ARID3A: variants seen among roughly 807,000 people sequenced by gnomAD.
The protein encoded by ARID3A is AT-rich interaction domain 3A, also known as AT-rich interactive domain-containing protein 3A.
In ARID3A, 11 loss-of-function variants were observed where a neutral mutation model predicts 52.7. The ratio of observed to expected loss-of-function variants is 0.21; its 90% confidence interval spans 0.13 to 0.35. The LOEUF (loss-of-function observed/expected upper bound fraction) is 0.35. ARID3A is among the 10% of genes least tolerant of loss of function. The pLI, the probability that ARID3A is intolerant of heterozygous loss-of-function variation, is 1.00. For synonymous variants in ARID3A, 404 were observed against 359.4 expected, an observed-to-expected ratio of 1.12 and a Z score of -1.40; for missense variants, 721 against 838.5, an observed-to-expected ratio of 0.86 and a Z score of 1.73.
Position 975,763 on chromosome 19 carries a change from C to CA in ARID3A, c.*3712dup, listed in dbSNP as rs151219876. ...AAAAAAAAAAAAAAGACAAAAAGAC[C>CA]AAAAAAAAAAAAAAGTGTGATTTTG... On this transcript the variant is annotated 3_prime_UTR_variant, in exon 9 of 9. Coordinates refer to ENST00000263620, the MANE Select transcript of ARID3A (RefSeq NM_005224.3). The CA allele has an allele frequency of 1.5e-3, 237 of 154,514 alleles. No homozygotes were observed. The highest frequency in any genetic ancestry group is 0.01 in the East Asian group (94 of 9,138). 9.6% of individuals were successfully genotyped at this position (154,514 alleles called of 1,614,324 possible).
At chr19:939,035 A>G (rs2037491683) in intron 3 of ARID3A, among the ~76,000 whole-genome samples, 1 of 148,784 alleles carries the variant, frequency 6.7e-6, no homozygotes, top group African/African-American at 2.5e-5. Context: ...GGTTCAAGTC[A>G]TTCTCCTGCC....
At chr19:934,067 A>T (rs1347682352) in intron 3 of ARID3A, among the ~76,000 whole-genome samples, 2 of 152,104 alleles carry the variant, frequency 1.3e-5, no homozygotes, top group Non-Finnish European at 2.9e-5. Flanking sequence ...CATTAATTTA[A>T]TTCACCAATT....
intron 1 of ARID3A, chr19:928,190 AGGGTGGAGCTTTGCCCCCTCCGCTGTCC>A: frequency 6.6e-6 from 1 of 152,344 alleles, no homozygotes; most frequent in Non-Finnish European, 1.5e-5. Context: ...GCCTCTCGGG[AGGGTGGAGCTTTGCCCCCTCCGCTGTCC>A]CCATGATGTG....
At chr19:943,585 A>G (rs1012424593) in intron 3 of ARID3A, among the ~76,000 whole-genome samples, 3 of 151,974 alleles carry the variant, frequency 2.0e-5, no homozygotes, top group African/African-American at 4.8e-5. Context: ...AAAAGAAAAG[A>G]AAAAAGAGAA....
rs372518865 is a variant in ARID3A at position 968,364 on chromosome 19, A to G, written c.1496-41A>G. 2,059 of 1,576,404 alleles carry G rather than the reference A, an allele frequency of 1.3e-3. 5 individuals are homozygous for G. Among genetic ancestry groups the G allele is most frequent in the Non-Finnish European group, 1.6e-3 (1,898 of 1,157,460 alleles). ...ACAGAGCAAGACTCTGTCTCAAAAA[A>G]AAAAAGAAAAAAAGAAACTAATTTG... On this transcript the variant is annotated intron_variant, in intron 7 of 8. Transcript: ENST00000263620.
intron 3 of ARID3A, among the ~76,000 whole-genome samples, chr19:952,128 G>A (rs564322195): frequency 3.3e-5 from 5 of 151,458 alleles, no homozygotes; most frequent in South Asian, 2.1e-4. Context: ...GCGACAGAGC[G>A]AGACTCGGTC....
chr19:958,681 C>A lies in ARID3A; in HGVS notation c.694-1411C>A, dbSNP rs1375572434. Among the ~76,000 whole-genome samples the A allele has an allele frequency of 8.5e-5, 13 of 152,154 alleles. No homozygotes were observed. The East Asian group carries it at 1.9e-3, about 23-fold the overall frequency. ...GGCCGAGGCGGGCGGATCACGAGGTCAGGAGATCGAGACCATCCTGGCTAA... is the reference window on the plus strand; with the variant it reads ...GGCCGAGGCGGGCGGATCACGAGGTAAGGAGATCGAGACCATCCTGGCTAA... On this transcript the variant is annotated intron_variant, in intron 3 of 8. Transcript: ENST00000263620.
chr19:960,310 G>C lies in ARID3A; in HGVS notation c.766+146G>C, dbSNP rs2038013226. ...GGCTCCTAAATCGGGAGGGACTTCA[G>C]GGGTGTCTTGGGGGGAAACACATCC... On this transcript the variant is annotated intron_variant, in intron 4 of 8. Coordinates refer to ENST00000263620, the MANE Select transcript of ARID3A (RefSeq NM_005224.3). This position sits in a 1 kb window ranked among gnomAD's most constrained non-coding sequence, Gnocchi z 4.3. 1 of 646,358 alleles carries C rather than the reference G, an allele frequency of 1.5e-6. No homozygotes were observed. The highest frequency in any genetic ancestry group is 1.9e-5 in the African/African-American group (1 of 53,484). The allele number at this position is 646,358 out of a possible 1,614,324, so 40.0% of individuals were successfully genotyped here. A position where few individuals can be genotyped will look rare whatever the true frequency, so the allele number is the denominator to read the frequency against.
intron 1 of ARID3A, among the ~76,000 whole-genome samples, chr19:927,457 C>T (rs944842749): frequency 6.6e-6 from 1 of 151,974 alleles, no homozygotes; most frequent in African/African-American, 2.4e-5. Flanking sequence ...TGTCCTGCTC[C>T]CCTCCCCCAC....
intron 1 of ARID3A, among the ~76,000 whole-genome samples, chr19:927,868 T>C (rs2037234167): frequency 1.3e-5 from 2 of 152,020 alleles, no homozygotes; most frequent in South Asian, 4.2e-4. Context: ...CATGCCCTCC[T>C]CGCTTTCTCC....
In ARID3A at chr19:973,473, G is replaced by A. The variant is rs1482666396; in HGVS notation, c.*1408G>A. Reference sequence around the variant, plus strand: ...TGGAAAAAGGGCCTGGGGGGCGGGGGTGGTTCTTGTCGAAGCCCCCAGGCT... The same window carrying A: ...TGGAAAAAGGGCCTGGGGGGCGGGGATGGTTCTTGTCGAAGCCCCCAGGCT... On this transcript the variant is annotated 3_prime_UTR_variant, in exon 9 of 9. Coordinates refer to ENST00000263620, the MANE Select transcript of ARID3A (RefSeq NM_005224.3). 1.4e-5 allele frequency: 3 copies of A among 214,218 alleles called. No homozygotes were observed. Among genetic ancestry groups the A allele is most frequent in the Non-Finnish European group, 1.9e-5 (2 of 105,938 alleles). 13.3% of individuals were successfully genotyped at this position (214,218 alleles called of 1,614,324 possible).
chr19:927,924 C>T (rs544569575), intron 1 of ARID3A, among the ~76,000 whole-genome samples: 58 of 111,786 alleles, frequency 5.2e-4, no homozygotes, highest in African/African-American at 1.4e-3. Context: ...CCCATGGGGC[C>T]GAAAGACTCA....
Position 944,589 on chromosome 19 carries a change from C to T in ARID3A, c.693+11847C>T, listed in dbSNP as rs183032885. 2.6e-5 allele frequency among the ~76,000 whole-genome samples: 4 copies of T among 152,054 alleles called. No individual in the cohort carries two copies. The highest frequency in any genetic ancestry group is 5.9e-5 in the Non-Finnish European group (4 of 67,978). ...CCCCGACCCCGGCCCTGGGAGGGCC[C>T]GACTGCCAGCCTGGCTGAACCTCCT... is the stretch of plus-strand genomic sequence containing the variant. On this transcript the variant is annotated intron_variant, in intron 3 of 8. Transcript: ENST00000263620. The surrounding 1 kb of genome is among the most constrained non-coding windows in gnomAD (Gnocchi z 5.9).
At chr19:931,467 A>G (rs1042344549) in intron 2 of ARID3A, among the ~76,000 whole-genome samples, 1 of 151,008 alleles carries the variant, frequency 6.6e-6, no homozygotes, top group Non-Finnish European at 1.5e-5. Flanking sequence ...AAAAAAAAAA[A>G]CAACCAAACA....
intron 1 of ARID3A, among the ~76,000 whole-genome samples, chr19:926,450 C>T (rs547337317): frequency 1.0e-4 from 15 of 144,498 alleles, no homozygotes; most frequent in African/African-American, 3.0e-4. Flanking sequence ...CGAGTGCGCG[C>T]CCCCCCCTCC....
At chr19:958,336 G>A (rs1316597420) in intron 3 of ARID3A, among the ~76,000 whole-genome samples, 2 of 148,524 alleles carry the variant, frequency 1.3e-5, no homozygotes, top group East Asian at 3.9e-4. Flanking sequence ...GCTGAGGCAG[G>A]AGAATGGCGT....
Position 959,370 on chromosome 19 carries a change from CTCAAGCA to C in ARID3A, c.694-721_694-715del, listed in dbSNP as rs1204848581. On this transcript the variant is annotated intron_variant, in intron 3 of 8. Transcript: ENST00000263620. This position sits in a 1 kb window ranked among gnomAD's most constrained non-coding sequence, Gnocchi z 5.0. ...CTCACTTCAGCCTCCACTGCCCAGG[CTCAAGCA>C]ATCCTCCCACCTCAGCCTCCCGAGT... is the stretch of plus-strand genomic sequence containing the variant. 1.3e-5 allele frequency among the ~76,000 whole-genome samples: 2 copies of C among 152,164 alleles called. No homozygotes were observed. The highest frequency in any genetic ancestry group is 4.8e-5 in the African/African-American group (2 of 41,442).
chr19:949,732 A>G (rs2037766310), intron 3 of ARID3A, among the ~76,000 whole-genome samples: 3 of 144,022 alleles, frequency 2.1e-5, no homozygotes, highest in South Asian at 4.3e-4. Flanking sequence ...GCTGGAGTGC[A>G]GTGGTGCGAT....
Position 964,722 on chromosome 19 carries a change from A to G in ARID3A, c.951-111A>G. The G allele has an allele frequency of 3.4e-6, 5 of 1,476,176 alleles. No individual in the cohort carries two copies. Among genetic ancestry groups the G allele is most frequent in the Non-Finnish European group, 4.5e-6 (5 of 1,106,996 alleles). 91.4% of individuals were successfully genotyped at this position (1,476,176 alleles called of 1,614,324 possible). On this transcript the variant is annotated intron_variant, in intron 5 of 8. Coordinates refer to ENST00000263620, the MANE Select transcript of ARID3A (RefSeq NM_005224.3). This position sits in a 1 kb window ranked among gnomAD's most constrained non-coding sequence, Gnocchi z 5.7. Reference sequence around the variant, plus strand: ...CTCTGGGGGCTGCTGAGCAAGTCCAAGGGAAGAACCAGGGATGGTGGTGCC... The same window carrying G: ...CTCTGGGGGCTGCTGAGCAAGTCCAGGGGAAGAACCAGGGATGGTGGTGCC...
Sources: gnomAD v4.1 joint callset for allele counts (sites outside exome capture counted in the v4.1 genomes callset) on GRCh38, gnomAD v4.1.1 for gene constraint, Gnocchi (gnomAD v3.1) non-coding constraint, MANE v1.5 for transcripts, NCBI Gene and HGNC (gene_info 2026-07-23, HGNC 2026-07-21) for gene names.